The following CALD1 variants were observed in gnomAD, a reference collection of about 807,000 sequenced individuals.
CALD1 encodes the protein caldesmon.
A neutral mutation model predicts 99.9 loss-of-function variants in CALD1; 33 were observed. The ratio of observed to expected loss-of-function variants is 0.33; its 90% CI spans 0.25 to 0.44. The LOEUF (loss-of-function observed/expected upper bound fraction) is 0.44, where lower values mean the gene tolerates loss of function less well. CALD1 is among the 20% of genes least tolerant of loss of function. CALD1 has a pLI of 1.00. For missense variants in CALD1, 861 were observed against 962.1 expected, an observed-to-expected ratio of 0.89 and a Z score of 1.39; for synonymous variants, 310 against 325.0, an observed-to-expected ratio of 0.95 and a Z score of 0.50.
At chr7:134,861,224 C>T (rs1800549506) in intron 2 of CALD1, among the ~76,000 whole-genome samples, 2 of 148,178 alleles carry the variant, frequency 1.3e-5, no homozygotes, top group African/African-American at 5.1e-5. Context: ...AAACAAAGCT[C>T]ATAGAGCTTC....
At chr7:134,718,314 C>T in the CALD1 span, among the ~76,000 whole-genome samples, 1 of 152,186 alleles carries the variant, frequency 6.6e-6, no homozygotes. Flanking sequence ...ATTCTATCCA[C>T]TCATCAATCT....
chr7:134,799,302 C>A (rs1412212850), intron 1 of CALD1, among the ~76,000 whole-genome samples: 1 of 152,078 alleles, frequency 6.6e-6, no homozygotes, highest in Non-Finnish European at 1.5e-5. Flanking sequence ...AAAATAACAA[C>A]AATTTGAATT....
the CALD1 span, among the ~76,000 whole-genome samples, chr7:134,717,438 G>T: frequency 1.3e-5 from 2 of 152,190 alleles, no homozygotes; most frequent in African/African-American, 4.8e-5. Flanking sequence ...AATGAAATCG[G>T]AACACATTTC....
At chr7:134,784,509 A>T (rs1797231855) in intron 1 of CALD1, among the ~76,000 whole-genome samples, 1 of 152,232 alleles carries the variant, frequency 6.6e-6, no homozygotes, top group South Asian at 2.1e-4. Context: ...GTTGTGCATG[A>T]CAGCCAGGTG....
At chr7:134,807,729 GCAATTCTC>G (rs200922586) in intron 1 of CALD1, among the ~76,000 whole-genome samples, 1,892 of 152,288 alleles carry the variant, frequency 0.012, 36 homozygotes, top group African/African-American at 0.042. Context: ...CCTAGTTCAA[GCAATTCTC>G]CTGCCTCAGC....
intron 11 of CALD1, among the ~76,000 whole-genome samples, chr7:134,959,768 T>A (rs1224816997): frequency 2.0e-5 from 3 of 152,208 alleles, no homozygotes; most frequent in Non-Finnish European, 4.4e-5. Flanking sequence ...TTTTGAAAGA[T>A]CCTCTGATCT....
At chr7:134,736,879 C>G in the CALD1 span, among the ~76,000 whole-genome samples, 1 of 152,128 alleles carries the variant, frequency 6.6e-6, no homozygotes, top group African/African-American at 2.4e-5. Flanking sequence ...GTTTCTCATG[C>G]TGTCTTTTCT....
In CALD1 at chr7:134,947,737, C is replaced by A; in HGVS notation, c.1762C>A (p.Gln588Lys). 6.2e-7 allele frequency: 1 copy of A among 1,613,802 alleles called. No homozygotes were observed. The highest frequency in any genetic ancestry group is 2.2e-5 in the East Asian group (1 of 44,884). ...VLEEEEQRRKQEEADRKLREE... is the reference protein window; with the variant it reads ...VLEEEEQRRKKEEADRKLREE... ...GGAGGAGGAAGAGCAGAGGAGGAAGCAGGAGGAAGCCGATCGAAAACTCAG... is the reference window on the plus strand; with the variant it reads ...GGAGGAGGAAGAGCAGAGGAGGAAGAAGGAGGAAGCCGATCGAAAACTCAG... Residue 588 changes from glutamine to lysine, a missense_variant, in exon 8 of 15, where the codon CAG becomes AAG. This residue lies in a region of CALD1 where 293 missense variants were observed against 262.7 expected (regional missense o/e 1.12). Coordinates refer to ENST00000361675, the MANE Select transcript of CALD1 (RefSeq NM_033138.4).
intron 3 of CALD1, chr7:134,891,620 C>T: frequency 6.2e-7 from 1 of 1,609,038 alleles, no homozygotes; most frequent in South Asian, 1.1e-5. Flanking sequence ...CAACTGCGGA[C>T]ATGCTGGGTG....
At chr7:134,888,488 C>T (rs1003773875) in intron 3 of CALD1, among the ~76,000 whole-genome samples, 1 of 152,200 alleles carries the variant, frequency 6.6e-6, no homozygotes, top group Non-Finnish European at 1.5e-5. Context: ...TTTCTCAATC[C>T]TCTTACCTTG....
intron 1 of CALD1, among the ~76,000 whole-genome samples, chr7:134,762,376 A>G (rs73724852): frequency 0.016 from 2,395 of 152,280 alleles, 63 homozygotes; most frequent in African/African-American, 0.052. Context: ...AGTCTCGAGC[A>G]TGGGTTTTCT....
intron 1 of CALD1, among the ~76,000 whole-genome samples, chr7:134,816,268 T>C (rs1254520421): frequency 1.3e-5 from 2 of 152,186 alleles, no homozygotes; most frequent in African/African-American, 4.8e-5. Flanking sequence ...TGCAAATCAA[T>C]AGATGTGTCC....
intron 2 of CALD1, among the ~76,000 whole-genome samples, chr7:134,864,026 C>T (rs1243774927): frequency 6.6e-6 from 1 of 152,146 alleles, no homozygotes; most frequent in Non-Finnish European, 1.5e-5. Context: ...TCATGCCAAT[C>T]CCCTGGGCCG....
intron 2 of CALD1, among the ~76,000 whole-genome samples, chr7:134,845,933 T>G (rs1373935703): frequency 2.0e-5 from 3 of 152,248 alleles, no homozygotes; most frequent in Non-Finnish European, 4.4e-5. Context: ...GGACCTATTT[T>G]GTTCCTTCTC....
chr7:134,836,373 C>T (rs1298576456), intron 1 of CALD1, among the ~76,000 whole-genome samples: 3 of 151,994 alleles, frequency 2.0e-5, no homozygotes, highest in South Asian at 2.1e-4. Flanking sequence ...ATTAAGTGCA[C>T]CATTTCTTAT....
At chr7:134,956,569 C>T (rs1807788802) in intron 9 of CALD1, among the ~76,000 whole-genome samples, 1 of 152,194 alleles carries the variant, frequency 6.6e-6, no homozygotes, top group Non-Finnish European at 1.5e-5. Flanking sequence ...CAGACCCCAA[C>T]CATGCTGGCA....
At chr7:134,807,754 A>C (rs769715275) in intron 1 of CALD1, among the ~76,000 whole-genome samples, 1 of 152,238 alleles carries the variant, frequency 6.6e-6, no homozygotes, top group East Asian at 1.9e-4. Context: ...CAGCCTCCTG[A>C]GTAGCTGGGA....
At chr7:134,964,080 T>C (rs1054265340) in intron 13 of CALD1, among the ~76,000 whole-genome samples, 1 of 152,050 alleles carries the variant, frequency 6.6e-6, no homozygotes, top group Non-Finnish European at 1.5e-5. Flanking sequence ...GCCTGTAATC[T>C]CAGCTACTTG....
chr7:134,887,104 G>C (rs956261601), intron 3 of CALD1, among the ~76,000 whole-genome samples: 7 of 152,322 alleles, frequency 4.6e-5, no homozygotes, highest in African/African-American at 1.4e-4. Flanking sequence ...TAAGAAACGT[G>C]TATCAGCACA....
Sources: gnomAD v4.1 joint callset for allele counts (sites outside exome capture counted in the v4.1 genomes callset) on GRCh38, gnomAD v4.1.1 for gene constraint, gnomAD v4.1.1 regional missense constraint, MANE v1.5 for transcripts, NCBI Gene and HGNC (gene_info 2026-07-23, HGNC 2026-07-21) for gene names.